The following MACROD2 variants were observed in gnomAD, a reference collection of about 807,000 sequenced individuals.
MACROD2 encodes the protein mono-ADP ribosylhydrolase 2.
Under a neutral mutation model 70.4 loss-of-function variants are expected in MACROD2, and 36 were observed. The ratio of observed to expected loss-of-function variants is 0.51; its 90% CI spans 0.39 to 0.68. The LOEUF is 0.68. Ranked by LOEUF, MACROD2 falls within the 30% of genes least tolerant of loss-of-function variation. The pLI, the probability that MACROD2 is intolerant of heterozygous loss-of-function variation, is 0.00. For missense variants in MACROD2, 496 were observed against 538.4 expected (o/e 0.92, Z 0.78); for synonymous variants, 172 against 178.8 (o/e 0.96, Z 0.30).
chr20:14,783,044 A>C (rs1012613602), intron 5 of MACROD2, among the ~76,000 whole-genome samples: 1 of 152,098 alleles, frequency 6.6e-6, no homozygotes, highest in Non-Finnish European at 1.5e-5. Flanking sequence ...TTCTCAGAGG[A>C]AGCATCTTTT....
intron 8 of MACROD2, among the ~76,000 whole-genome samples, chr20:15,585,204 T>C (rs2048581138): frequency 6.8e-6 from 1 of 146,386 alleles, no homozygotes; most frequent in African/African-American, 2.5e-5. Flanking sequence ...TTTTTTTTCT[T>C]TTTTTTTTTT....
At chr20:15,760,555 T>A (rs2051420854) in intron 8 of MACROD2, among the ~76,000 whole-genome samples, 1 of 152,130 alleles carries the variant, frequency 6.6e-6, no homozygotes, top group Admixed American at 6.5e-5. Flanking sequence ...CCCCACGCAT[T>A]CCTTCCTTGC....
intron 8 of MACROD2, among the ~76,000 whole-genome samples, chr20:15,673,668 T>C (rs1346838379): frequency 6.6e-6 from 1 of 152,210 alleles, no homozygotes; most frequent in Non-Finnish European, 1.5e-5. Context: ...GGCCAGATAT[T>C]TTTTGAAGTA....
At chr20:14,086,852 A>C (rs2054082063) in intron 3 of MACROD2, among the ~76,000 whole-genome samples, 1 of 152,208 alleles carries the variant, frequency 6.6e-6, no homozygotes, top group Non-Finnish European at 1.5e-5. Flanking sequence ...CTTTCCCAGA[A>C]CACAAAAGGG....
chr20:16,021,653 C>T (rs1209956336), intron 15 of MACROD2, among the ~76,000 whole-genome samples: 1 of 152,178 alleles, frequency 6.6e-6, no homozygotes, highest in Non-Finnish European at 1.5e-5. Context: ...CCACTAAGTG[C>T]TTTATTAAAT....
chr20:15,563,550 A>G (rs971011170), intron 8 of MACROD2, among the ~76,000 whole-genome samples: 1 of 152,226 alleles, frequency 6.6e-6, no homozygotes, highest in Non-Finnish European at 1.5e-5. Context: ...AAGACTATAA[A>G]TTATTTTGGC....
chr20:14,142,138 C>A (rs989055312), intron 3 of MACROD2, among the ~76,000 whole-genome samples: 2 of 152,112 alleles, frequency 1.3e-5, no homozygotes, highest in African/African-American at 4.8e-5. Flanking sequence ...TATATAAAAT[C>A]TCTTTTAGTT....
chr20:14,453,228 T>C (rs1284052007), intron 3 of MACROD2, among the ~76,000 whole-genome samples: 1 of 152,148 alleles, frequency 6.6e-6, no homozygotes, highest in Non-Finnish European at 1.5e-5. Flanking sequence ...GGCCTGAGAA[T>C]GCTTGTAGTT....
intron 8 of MACROD2, among the ~76,000 whole-genome samples, chr20:15,576,293 T>C (rs1470765818): frequency 6.6e-6 from 1 of 152,144 alleles, no homozygotes; most frequent in Non-Finnish European, 1.5e-5. Flanking sequence ...TGCAGACCCC[T>C]AAGTTCTGGC....
chr20:14,830,281 G>A lies in MACROD2; in HGVS notation c.418+145322G>A, dbSNP rs529711662. On this transcript the variant is annotated intron_variant, in intron 5 of 17. Coordinates refer to ENST00000684519, the MANE Select transcript of MACROD2 (RefSeq NM_001351661.2). ...CTGAGTGGTAATTGGGCTGTGTTAT[G>A]TTGTGTGCTTTACTGCTGCAATGGT... Among the ~76,000 whole-genome samples, 18 of 152,188 alleles carry A rather than the reference G, an allele frequency of 1.2e-4. No individual in the cohort carries two copies. The South Asian group carries it at 1.5e-3, about 12-fold the overall frequency.
chr20:15,057,980 C>A (rs1422726714), intron 5 of MACROD2, among the ~76,000 whole-genome samples: 1 of 152,170 alleles, frequency 6.6e-6, no homozygotes, highest in Admixed American at 6.5e-5. Context: ...TGTCGCTTGG[C>A]AGACAATCAT....
At chr20:14,924,351 A>T (rs1383702736) in intron 5 of MACROD2, among the ~76,000 whole-genome samples, 1 of 152,042 alleles carries the variant, frequency 6.6e-6, no homozygotes, top group Non-Finnish European at 1.5e-5. Context: ...AGGCATAAGA[A>T]TTGCTTGAAC....
chr20:14,796,478 A>G lies in MACROD2; in HGVS notation c.418+111519A>G, dbSNP rs1181491105. ...TTACTTGAACTAAAAAGTGAAATAT[A>G]GTTTACTTATTCGAGGATACTCTAT... On this transcript the variant is annotated intron_variant, in intron 5 of 17. Coordinates refer to ENST00000684519, the MANE Select transcript of MACROD2 (RefSeq NM_001351661.2). Among the ~76,000 whole-genome samples the G allele has an allele frequency of 1.3e-5, 2 of 152,164 alleles. 1 individual carries two copies. The highest frequency in any genetic ancestry group is 2.9e-5 in the Non-Finnish European group (2 of 68,036).
chr20:14,352,598 C>G (rs780809939), intron 3 of MACROD2, among the ~76,000 whole-genome samples: 1 of 152,102 alleles, frequency 6.6e-6, no homozygotes, highest in Non-Finnish European at 1.5e-5. Context: ...ACCTCTGCCC[C>G]TTCAGTAACA....
intron 8 of MACROD2, among the ~76,000 whole-genome samples, chr20:15,821,064 T>G (rs553222255): frequency 6.6e-6 from 1 of 152,138 alleles, no homozygotes; most frequent in Admixed American, 6.6e-5. Context: ...ACTGCAAATA[T>G]CTTCTCTGTG....
At chr20:15,981,121 G>A (rs1160008997) in intron 13 of MACROD2, among the ~76,000 whole-genome samples, 2 of 152,166 alleles carry the variant, frequency 1.3e-5, no homozygotes, top group African/African-American at 4.8e-5. Context: ...TGGTTTAATG[G>A]TGCCAATAAC....
At chr20:14,890,531 A>G (rs1436979455) in intron 5 of MACROD2, among the ~76,000 whole-genome samples, 2 of 152,038 alleles carry the variant, frequency 1.3e-5, no homozygotes, top group African/African-American at 4.8e-5. Flanking sequence ...AATTTGGAAG[A>G]ACAAGATAGG....
chr20:14,736,592 A>G (rs931110315), intron 5 of MACROD2, among the ~76,000 whole-genome samples: 4 of 152,216 alleles, frequency 2.6e-5, no homozygotes, highest in Admixed American at 2.0e-4. Context: ...TATCATTAAT[A>G]TCAGTGATAA....
intron 3 of MACROD2, among the ~76,000 whole-genome samples, chr20:14,163,712 C>T (rs371346241): frequency 2.4e-4 from 36 of 150,560 alleles, no homozygotes; most frequent in African/African-American, 7.8e-4. Context: ...TCTGAGATTC[C>T]GTCTTCTGCT....
Sources: gnomAD v4.1 joint callset for allele counts (sites outside exome capture counted in the v4.1 genomes callset) on GRCh38, gnomAD v4.1.1 for gene constraint, MANE v1.5 for transcripts, NCBI Gene and HGNC (gene_info 2026-07-23, HGNC 2026-07-21) for gene names.